Variants in LCMT1 observed in about 807,000 individuals in gnomAD.
LCMT1 encodes the protein leucine carboxyl methyltransferase 1, also known as [Phosphatase 2A protein]-leucine-carboxy methyltransferase 1.
LCMT1 carries 32 observed loss-of-function variants against 47.7 expected under a neutral mutation model. That is an observed-to-expected ratio of 0.67 (90% confidence interval 0.51 to 0.90). The LOEUF (loss-of-function observed/expected upper bound fraction) is 0.90. LCMT1 is among the 40% of genes least tolerant of loss of function. The pLI is 0.00. For missense variants in LCMT1, 375 were observed against 415.2 expected (o/e 0.90, Z 0.84); for synonymous variants, 152 against 149.7 (o/e 1.02, Z -0.11).
chr16:25,113,214 G>A (rs1464771833), intron 1 of LCMT1, among the ~76,000 whole-genome samples: 1 of 151,676 alleles, frequency 6.6e-6, no homozygotes, highest in African/African-American at 2.4e-5. Context: ...GTTCAGAGGA[G>A]TGTGAACTGT....
intron 10 of LCMT1, among the ~76,000 whole-genome samples, chr16:25,176,820 C>A (rs191808848): frequency 1.4e-4 from 21 of 150,986 alleles, no homozygotes; most frequent in East Asian, 1.2e-3. Context: ...GCTCGGCCCC[C>A]CAAAGTGCTG....
intron 4 of LCMT1, among the ~76,000 whole-genome samples, chr16:25,150,645 G>A (rs923106810): frequency 6.6e-6 from 1 of 151,784 alleles, no homozygotes; most frequent in Admixed American, 6.6e-5. Context: ...TGCCTGGCCC[G>A]CATCTTAATA....
intron 5 of LCMT1, among the ~76,000 whole-genome samples, chr16:25,152,553 C>T (rs1422494575): frequency 6.6e-6 from 1 of 152,138 alleles, no homozygotes; most frequent in Admixed American, 6.5e-5. Flanking sequence ...TCTGTAAAGA[C>T]CTTGAGTTAG....
At chr16:25,156,370 T>G (rs564731737) in intron 5 of LCMT1, among the ~76,000 whole-genome samples, 1 of 152,352 alleles carries the variant, frequency 6.6e-6, no homozygotes, top group Admixed American at 6.5e-5. Context: ...CAGTGCCTAG[T>G]GCACAGACAG....
At chr16:25,120,706 G>C (rs1567306766) in intron 1 of LCMT1, among the ~76,000 whole-genome samples, 1 of 150,968 alleles carries the variant, frequency 6.6e-6, no homozygotes, top group Non-Finnish European at 1.5e-5. Context: ...TTGGATTACA[G>C]GCGTGAGACA....
chr16:25,146,335 G>C (rs968378724), intron 4 of LCMT1: 2 of 152,614 alleles, frequency 1.3e-5, no homozygotes, highest in African/African-American at 4.8e-5. Flanking sequence ...CAGGCGGTGT[G>C]TATCAATCTC....
rs1353152263 is a variant in LCMT1, at chr16:25,140,310, T to C, written c.404+63T>C. Reference sequence around the variant, plus strand: ...GAATTCAGATCCAGCTCTCAAGAGATGGCAGATCTGAATGCCAGAGACTTC... The same window carrying C: ...GAATTCAGATCCAGCTCTCAAGAGACGGCAGATCTGAATGCCAGAGACTTC... On this transcript the variant is annotated intron_variant, in intron 4 of 10. Transcript: ENST00000399069. The C allele has an allele frequency of 4.0e-6, 5 of 1,235,566 alleles. No homozygotes were observed. In the African/African-American group the frequency reaches 7.5e-5, roughly 18 times the overall value. The allele number at this position is 1,235,566 out of a possible 1,614,324, so 76.5% of individuals were successfully genotyped here.
chr16:25,111,813 C>T lies in LCMT1; in HGVS notation c.-71C>T, dbSNP rs568489468. 322 of 1,024,610 alleles carry T rather than the reference C, an allele frequency of 3.1e-4. 1 individual carries two copies. The highest frequency in any genetic ancestry group is 4.2e-5 in the Non-Finnish European group (28 of 670,612). 63.5% of individuals were successfully genotyped at this position (1,024,610 alleles called of 1,614,324 possible). On this transcript the variant is annotated 5_prime_UTR_variant, in exon 1 of 11. Transcript: ENST00000399069. ...TGTTGCTTTCTCCCTGTGGCTCGCGCCGTCCCCCGCCGCCCGTCGACCCCG... is the reference window on the plus strand; with the variant it reads ...TGTTGCTTTCTCCCTGTGGCTCGCGTCGTCCCCCGCCGCCCGTCGACCCCG...
intron 2 of LCMT1, 188 bp from the exon 3 acceptor site, chr16:25,132,214 A>T: frequency 1.7e-6 from 1 of 598,650 alleles, no homozygotes; most frequent in Non-Finnish European, 3.0e-6. Flanking sequence ...ACCTTGGTTC[A>T]GATGCCTTTA....
intron 1 of LCMT1, among the ~76,000 whole-genome samples, chr16:25,115,000 GC>G (rs1297358976): frequency 6.6e-6 from 1 of 152,128 alleles, no homozygotes; most frequent in Non-Finnish European, 1.5e-5. Context: ...TCCACATGGA[GC>G]CTATGCACGA....
chr16:25,142,410 A>G (rs996954191), intron 4 of LCMT1: 1 of 152,224 alleles, frequency 6.6e-6, no homozygotes, highest in Non-Finnish European at 1.5e-5. Context: ...AAAGGGAGAC[A>G]CTTAGGTCCA....
intron 4 of LCMT1, chr16:25,140,458 C>G (rs1960651401): frequency 1.3e-5 from 7 of 532,666 alleles, no homozygotes; most frequent in Non-Finnish European, 2.0e-5. Flanking sequence ...AGATCACAGG[C>G]TCTATGGCTC....
At chr16:25,170,610 A>G (rs2141714402) in intron 8 of LCMT1, 104 bp from the exon 9 acceptor site, 1 of 895,632 alleles carries the variant, frequency 1.1e-6, no homozygotes, top group East Asian at 2.5e-5. Flanking sequence ...AGCCTGGGCA[A>G]CAGAATGAGA....
chr16:25,144,191 A>G (rs529862950), intron 4 of LCMT1: 4 of 152,212 alleles, frequency 2.6e-5, no homozygotes, highest in African/African-American at 9.6e-5. Context: ...AACTGTTAAC[A>G]TTCCCTTTTC....
chr16:25,160,648 T>A (rs1365338342), intron 5 of LCMT1: 1 of 452,924 alleles, frequency 2.2e-6, no homozygotes, highest in African/African-American at 2.0e-5. Context: ...TGGGGAAAAC[T>A]TAGAAATACC....
chr16:25,142,911 T>C (rs1479285652), intron 4 of LCMT1: 1 of 152,176 alleles, frequency 6.6e-6, no homozygotes, highest in Non-Finnish European at 1.5e-5. Flanking sequence ...GCATTTCTGA[T>C]CGGGAGAGGT....
chr16:25,152,837 T>C (rs1224221693), intron 5 of LCMT1, among the ~76,000 whole-genome samples: 1 of 152,208 alleles, frequency 6.6e-6, no homozygotes, highest in Non-Finnish European at 1.5e-5. Context: ...CCCTCAACTT[T>C]TAATTATGAC....
chr16:25,174,696 G>A, intron 9 of LCMT1: 1 of 255,666 alleles, frequency 3.9e-6, no homozygotes, highest in Non-Finnish European at 7.4e-6. Flanking sequence ...TCAGCCCTTT[G>A]CCACTTGAAT....
intron 6 of LCMT1, among the ~76,000 whole-genome samples, chr16:25,163,044 T>G (rs550482170): frequency 5.9e-5 from 9 of 152,322 alleles, no homozygotes; most frequent in African/African-American, 2.2e-4. Context: ...TTAATTTTTG[T>G]AGAGACAAGG....
Sources: gnomAD v4.1 joint callset for allele counts (sites outside exome capture counted in the v4.1 genomes callset) on GRCh38, gnomAD v4.1.1 for gene constraint, MANE v1.5 for transcripts, NCBI Gene and HGNC (gene_info 2026-07-23, HGNC 2026-07-21) for gene names.